The following FCRL6 variants were observed in gnomAD, a reference collection of about 807,000 sequenced individuals.
FCRL6 encodes Fc receptor-like protein 6.
In FCRL6, 50 loss-of-function variants were observed where a neutral mutation model predicts 49.1. The observed-to-expected ratio is 1.02, with a 90% CI of 0.81 to 1.29. The LOEUF is 1.29. Ranked by LOEUF, FCRL6 falls within the 50% of genes most tolerant of loss-of-function variation. The pLI, the probability that FCRL6 is intolerant of heterozygous loss-of-function variation, is 0.00. For missense variants in FCRL6, 571 were observed against 518.5 expected (o/e 1.10, Z -0.98); for synonymous variants, 213 against 199.6 (o/e 1.07, Z -0.57).
intron 5 of FCRL6, 115 bp from the exon 6 acceptor site, chr1:159,809,979 C>A: frequency 7.5e-7 from 1 of 1,337,968 alleles, no homozygotes; most frequent in Non-Finnish European, 1.0e-6. Flanking sequence ...TGAGGCTCCC[C>A]CAGGCCAGAC....
At position 159,802,792 on chromosome 1, in the gene FCRL6, G is replaced by A. The variant is rs149864234; in HGVS notation, c.31+337G>A. On this transcript the variant is annotated intron_variant, in intron 1 of 9. Coordinates refer to ENST00000368106, the MANE Select transcript of FCRL6 (RefSeq NM_001004310.3). ...TCAGGTTAAAATACTAATCAGAGCT[G>A]TCTCAAAAGGAAATGGAGGTTGCAG... Among the ~76,000 whole-genome samples, 196 of 152,308 alleles carry A rather than the reference G, an allele frequency of 1.3e-3. 4 individuals are homozygous for A. The South Asian group carries it at 0.021, about 16-fold the overall frequency.
rs777732801 is a variant in FCRL6 at position 159,806,621 on chromosome 1, G to A, written c.52+5G>A. On this transcript the variant is annotated splice_donor_5th_base_variant and intron_variant, in intron 2 of 9. Transcript: ENST00000368106. ...TTCCCTGTGTTGGGAAAACTGGTAAGTTGTGTCCATGTCTCTTCTAATTCA... is the reference window on the plus strand; with the variant it reads ...TTCCCTGTGTTGGGAAAACTGGTAAATTGTGTCCATGTCTCTTCTAATTCA... 6.2e-7 allele frequency: 1 copy of A among 1,613,812 alleles called. No individual in the cohort carries two copies. The highest frequency in any genetic ancestry group is 8.5e-7 in the Non-Finnish European group (1 of 1,179,626).
chr1:159,810,147 G>A lies in FCRL6; in HGVS notation c.940G>A (p.Ala314Thr), dbSNP rs768158359. ...CAACTGGCTGGTTCCTTGGCTTCCTGCGAGCCTGCTTGGCCTGATGGTTAT... is the reference window on the plus strand; with the variant it reads ...CAACTGGCTGGTTCCTTGGCTTCCTACGAGCCTGCTTGGCCTGATGGTTAT... ...ASNWLVPWLP[A>T]SLLGLMVIAA... The change falls in exon 6 of 10, where the codon GCG (alanine) becomes ACG (threonine). Residue 314 changes from alanine (A) to threonine (T), a missense_variant. Physicochemically the swap from Ala to Thr is moderately conservative, Grantham distance 58. Coordinates refer to ENST00000368106, the MANE Select transcript of FCRL6 (RefSeq NM_001004310.3). 8.1e-6 allele frequency: 13 copies of A among 1,613,990 alleles called. No individual in the cohort carries two copies. Among genetic ancestry groups the A allele is most frequent in the Middle Eastern group, 1.7e-4 (1 of 6,058 alleles).
Position 159,809,431 on chromosome 1 carries a change from C to A in FCRL6, c.634C>A (p.His212Asn). 4 of 1,612,108 alleles carry A rather than the reference C, an allele frequency of 2.5e-6. No homozygotes were observed. The highest frequency in any genetic ancestry group is 3.4e-6 in the Non-Finnish European group (4 of 1,178,716). ...TGTATCCCGTCCTGTGCTCACTCTG[C>A]ACCACGGGCCTGCTGACCCTGCTGT... ...APVSRPVLTL[H>N]HGPADPAVGD... The change falls in exon 5 of 10, where the codon CAC becomes AAC. Residue 212 changes from histidine to asparagine, a missense_variant. His to Asn is a moderately conservative substitution (Grantham distance 68). Transcript: ENST00000368106.
At chr1:159,808,835 G>T in intron 3 of FCRL6, 126 bp from the exon 4 acceptor site, 1 of 936,060 alleles carries the variant, frequency 1.1e-6, no homozygotes, top group Non-Finnish European at 1.6e-6. Flanking sequence ...GGGTCCTAGG[G>T]ATGAAACTGC....
At chr1:159,809,992 T>C in intron 5 of FCRL6, 102 bp from the exon 6 acceptor site, 1 of 1,412,838 alleles carries the variant, frequency 7.1e-7, no homozygotes, top group Non-Finnish European at 9.6e-7. Context: ...GGCCAGACGG[T>C]TCCCCTAATA....
At position 159,815,858 on chromosome 1, in the gene FCRL6, GA is replaced by G; in HGVS notation, c.*199del. On this transcript the variant is annotated 3_prime_UTR_variant, in exon 10 of 10. Transcript: ENST00000368106. The stretch of plus-strand genomic sequence containing the variant: ...AGCAGAAGACCAACCAATGGAATGG[GA>G]AGGGAGATGCTCCCACCAACACACA... 1.7e-6 allele frequency: 1 copy of G among 579,060 alleles called. No individual in the cohort carries two copies. The highest frequency in any genetic ancestry group is 2.0e-5 in the South Asian group (1 of 49,474). The allele number at this position is 579,060 out of a possible 1,614,324, so 35.9% of individuals were successfully genotyped here.
At chr1:159,803,577 A>G (rs1271712159) in intron 1 of FCRL6, among the ~76,000 whole-genome samples, 1 of 152,178 alleles carries the variant, frequency 6.6e-6, no homozygotes, top group Non-Finnish European at 1.5e-5. Flanking sequence ...AGGATAGCCT[A>G]ATGCCTGGAT....
In FCRL6 at chr1:159,815,846, C is replaced by A. The variant is rs936843859; in HGVS notation, c.*185C>A. ...GGTTCTTTTCTTAGCAGAAGACCAACCAATGGAATGGGAAGGGAGATGCTC... is the reference window on the plus strand; with the variant it reads ...GGTTCTTTTCTTAGCAGAAGACCAAACAATGGAATGGGAAGGGAGATGCTC... On this transcript the variant is annotated 3_prime_UTR_variant, in exon 10 of 10. Coordinates refer to ENST00000368106, the MANE Select transcript of FCRL6 (RefSeq NM_001004310.3). 23 of 621,116 alleles carry A rather than the reference C, an allele frequency of 3.7e-5. No individual in the cohort carries two copies. The highest frequency in any genetic ancestry group is 5.8e-5 in the Non-Finnish European group (21 of 363,136). 38.5% of individuals were successfully genotyped at this position (621,116 alleles called of 1,614,324 possible). A position where few individuals can be genotyped will look rare whatever the true frequency, so the allele number is the denominator to read the frequency against.
At chr1:159,803,654 C>A (rs751723914) in intron 1 of FCRL6, among the ~76,000 whole-genome samples, 25 of 152,180 alleles carry the variant, frequency 1.6e-4, no homozygotes, top group Non-Finnish European at 2.9e-4. Context: ...AAGGAACAGC[C>A]CTTGGACTTG....
At chr1:159,802,847 G>A (rs1662427278) in intron 1 of FCRL6, among the ~76,000 whole-genome samples, 1 of 152,190 alleles carries the variant, frequency 6.6e-6, no homozygotes, top group East Asian at 1.9e-4. Flanking sequence ...GGGCAACAGG[G>A]AAGGAGTCAG....
chr1:159,809,028 C>A lies in FCRL6; in HGVS notation c.387C>A (p.Thr129=), dbSNP rs151204274. The change falls in exon 4 of 10, where the codon ACC becomes ACA. Residue 129 remains threonine (T), a synonymous_variant. Transcript: ENST00000368106. ...SPEPREGSLV[T]LRCQTKLHPL... ...AGCCCCGAGAGGGTAGCCTGGTGAC[C>A]CTGAGATGTCAGACAAAGCTGCACC... is the stretch of plus-strand genomic sequence containing the variant. The A allele has an allele frequency of 1.1e-4, 178 of 1,614,030 alleles. No homozygotes were observed. Among genetic ancestry groups the A allele is most frequent in the Admixed American group, 9.2e-4 (55 of 60,012 alleles).
At chr1:159,806,715 C>A in intron 2 of FCRL6, 99 bp downstream of exon 2, 2 of 1,221,342 alleles carry the variant, frequency 1.6e-6, no homozygotes, top group Non-Finnish European at 2.4e-6. Flanking sequence ...CCAGAAACAT[C>A]TGCAGAGCAG....
At chr1:159,810,574 C>CA (rs59039619) in intron 6 of FCRL6, among the ~76,000 whole-genome samples, 21,205 of 141,082 alleles carry the variant, frequency 0.15, 1,612 homozygotes, top group Non-Finnish European at 0.18. Context: ...GGAATATGAG[C>CA]AAAAAAAAAA....
chr1:159,814,670 T>G (rs747303775), intron 8 of FCRL6, among the ~76,000 whole-genome samples: 19 of 152,150 alleles, frequency 1.2e-4, no homozygotes, highest in Non-Finnish European at 2.5e-4. Context: ...AGAGAAAAAA[T>G]GATGTAGTCT....
chr1:159,806,479 T>C lies in FCRL6; in HGVS notation c.32-117T>C, dbSNP rs1662690789. On this transcript the variant is annotated intron_variant, in intron 1 of 9. Transcript: ENST00000368106. ...TGTGTGGATGGGTGGCTAGGAGGTT[T>C]GGTGGCCGGGTGGTTGGTTGAATGG... The C allele has an allele frequency of 1.5e-5, 13 of 877,482 alleles. No homozygotes were observed. The South Asian group carries it at 1.6e-4, about 11-fold the overall frequency. The allele number at this position is 877,482 out of a possible 1,614,324, so 54.4% of individuals were successfully genotyped here. A position where few individuals can be genotyped will look rare whatever the true frequency, so the allele number is the denominator to read the frequency against.
intron 5 of FCRL6, 84 bp from the exon 6 acceptor site, chr1:159,810,010 T>C: frequency 6.7e-7 from 1 of 1,498,518 alleles, no homozygotes; most frequent in Non-Finnish European, 9.0e-7. Flanking sequence ...ATATCAGTCA[T>C]TCTGCCTGTT....
At chr1:159,807,548 TAA>T (rs1397889209) in intron 2 of FCRL6, among the ~76,000 whole-genome samples, 2 of 152,078 alleles carry the variant, frequency 1.3e-5, no homozygotes, top group Non-Finnish European at 1.5e-5. Flanking sequence ...ATCCCTTCCA[TAA>T]GAGTGGTGGA....
chr1:159,809,008 C>T lies in FCRL6; in HGVS notation c.367C>T (p.Arg123Ter), dbSNP rs145922130. 1.7e-3 allele frequency: 2,690 copies of T among 1,613,748 alleles called. 13 individuals carry two copies. The highest frequency in any genetic ancestry group is 0.011 in the Middle Eastern group (67 of 6,060). ...VLSAIPSPEP[R>*]EGSLVTLRCQ... ...GAGTGCCATCCCCTCTCCTGAGCCC[C>T]GAGAGGGTAGCCTGGTGACCCTGAG... The change falls in exon 4 of 10, where the codon CGA becomes TGA. Residue 123 changes from arginine (R) to a stop codon, truncating the protein, a stop_gained. Coordinates refer to ENST00000368106, the MANE Select transcript of FCRL6 (RefSeq NM_001004310.3). LOFTEE classifies it high-confidence loss of function.
Sources: allele counts gnomAD v4.1 joint callset (sites outside exome capture counted in the v4.1 genomes callset), GRCh38; gene constraint gnomAD v4.1.1; transcripts MANE v1.5; gene names NCBI Gene and HGNC (gene_info 2026-07-23, HGNC 2026-07-21).